Variants in PTPRD observed in about 807,000 individuals in gnomAD.
PTPRD encodes the protein receptor-type tyrosine-protein phosphatase delta.
Under a neutral mutation model 214.5 loss-of-function variants are expected in PTPRD, and 34 were observed. That is an observed-to-expected ratio of 0.16 (90% CI 0.12 to 0.21). The LOEUF (loss-of-function observed/expected upper bound fraction) is 0.21, where lower values mean the gene tolerates loss of function less well. Among genes scored for constraint, PTPRD ranks in the 10% least tolerant of loss-of-function variants. The probability of loss-of-function intolerance (pLI) is 1.00; values close to 1 mark genes in which losing one functional copy is unlikely to be tolerated. For synonymous variants in PTPRD, 1,128 were observed against 845.7 expected (o/e 1.33, Z -5.79); for missense variants, 2,545 against 2,398.7 (o/e 1.06, Z -1.27).
At chr9:10,149,201 T>A (rs1348076662) in intron 3 of PTPRD, among the ~76,000 whole-genome samples, 2 of 152,138 alleles carry the variant, frequency 1.3e-5, no homozygotes, top group Non-Finnish European at 2.9e-5. Context: ...AAGTTATATA[T>A]CCCATGGCAG....
intron 11 of PTPRD, among the ~76,000 whole-genome samples, chr9:9,016,947 T>C (rs1481413974): frequency 6.6e-6 from 1 of 152,144 alleles, no homozygotes; most frequent in Non-Finnish European, 1.5e-5. Context: ...CTCAGTATTT[T>C]GGATTTAGAG....
chr9:9,777,300 C>A (rs1169608916), intron 5 of PTPRD, among the ~76,000 whole-genome samples: 3 of 151,174 alleles, frequency 2.0e-5, no homozygotes, highest in Non-Finnish European at 4.4e-5. Flanking sequence ...GCATCCCCAA[C>A]ACAAATAAAA....
chr9:10,149,023 G>C (rs1167191526), intron 3 of PTPRD, among the ~76,000 whole-genome samples: 1 of 152,070 alleles, frequency 6.6e-6, no homozygotes, highest in Non-Finnish European at 1.5e-5. Context: ...CCTGCAGCTG[G>C]CTCAGAAAAG....
chr9:9,164,473 A>G (rs1445206), intron 10 of PTPRD, among the ~76,000 whole-genome samples: 108,759 of 151,772 alleles, frequency 0.72, 39,296 homozygotes, highest in Non-Finnish European at 0.77. Flanking sequence ...GTCTGCAAAA[A>G]ACTTTTTGAC....
intron 14 of PTPRD, among the ~76,000 whole-genome samples, chr9:8,554,735 G>A (rs1008801187): frequency 6.6e-6 from 1 of 152,170 alleles, no homozygotes; most frequent in African/African-American, 2.4e-5. Flanking sequence ...CAACACGTTT[G>A]TTTATTTTGA....
chr9:9,613,799 T>C (rs1272890135), intron 7 of PTPRD, among the ~76,000 whole-genome samples: 1 of 152,176 alleles, frequency 6.6e-6, no homozygotes, highest in African/African-American at 2.4e-5. Context: ...GGGTGACTTG[T>C]GGGCACGTGA....
At chr9:9,068,640 G>A (rs1475376208) in intron 10 of PTPRD, among the ~76,000 whole-genome samples, 1 of 148,698 alleles carries the variant, frequency 6.7e-6, no homozygotes, top group Non-Finnish European at 1.5e-5. Flanking sequence ...TTGAGATGGA[G>A]TCTCACTTGT....
chr9:10,228,263 G>A (rs925403315), intron 3 of PTPRD, among the ~76,000 whole-genome samples: 5 of 151,944 alleles, frequency 3.3e-5, no homozygotes, highest in Non-Finnish European at 5.9e-5. Context: ...GAACCTCAAG[G>A]AAGCTTTCCT....
At chr9:9,386,243 G>A (rs537437046) in intron 9 of PTPRD, among the ~76,000 whole-genome samples, 6 of 152,084 alleles carry the variant, frequency 3.9e-5, no homozygotes, top group Non-Finnish European at 8.8e-5. Flanking sequence ...GTGAGCCCCT[G>A]GCAGGCATGA....
chr9:8,363,665 A>G (rs1445377481), intron 39 of PTPRD, among the ~76,000 whole-genome samples: 2 of 152,238 alleles, frequency 1.3e-5, no homozygotes, highest in Non-Finnish European at 2.9e-5. Flanking sequence ...GCAGTGAGAA[A>G]GAAATTAATA....
Position 9,741,779 on chromosome 9 carries a change from A to G in PTPRD, c.-325-7208T>C, listed in dbSNP as rs531179054. Among the ~76,000 whole-genome samples the G allele has an allele frequency of 7.9e-5, 12 of 152,348 alleles. No individual in the cohort carries two copies. The South Asian group carries it at 2.1e-3, about 26-fold the overall frequency. On this transcript the variant is annotated intron_variant, in intron 6 of 45. Coordinates refer to ENST00000381196, the MANE Select transcript of PTPRD (RefSeq NM_002839.4). ...CTTCATCCATGTCCCTGCAAATGAC[A>G]TGAACTCATTCTTTTTTATGGCTGC...
chr9:10,592,228 C>T, intron 2 of PTPRD, among the ~76,000 whole-genome samples: 1 of 151,952 alleles, frequency 6.6e-6, no homozygotes, highest in East Asian at 1.9e-4. Context: ...TGGAAAGGAG[C>T]TGTGAGCTAA....
chr9:10,307,215 TCCA>T (rs78006216), intron 3 of PTPRD, among the ~76,000 whole-genome samples: 28,443 of 151,958 alleles, frequency 0.19, 2,656 homozygotes, highest in South Asian at 0.31. Flanking sequence ...CCTGTTTTCA[TCCA>T]CCACCAAACA....
chr9:8,742,847 T>C (rs2092238256), intron 11 of PTPRD, among the ~76,000 whole-genome samples: 1 of 152,100 alleles, frequency 6.6e-6, no homozygotes. Flanking sequence ...GGTGATCAAA[T>C]CTCTGGGCCA....
chr9:9,486,187 C>A (rs1367951608), intron 8 of PTPRD, among the ~76,000 whole-genome samples: 5 of 38,344 alleles, frequency 1.3e-4, no homozygotes, highest in Non-Finnish European at 2.0e-4. Context: ...AAAAAAAAAG[C>A]CTTCCCTTGA....
intron 11 of PTPRD, among the ~76,000 whole-genome samples, chr9:8,747,384 G>A (rs970330571): frequency 3.9e-5 from 6 of 152,022 alleles, no homozygotes; most frequent in South Asian, 2.1e-4. Flanking sequence ...CCTAACTTCC[G>A]AGGAAACACC....
intron 4 of PTPRD, among the ~76,000 whole-genome samples, chr9:9,977,644 C>T (rs1002145077): frequency 3.3e-5 from 5 of 151,940 alleles, no homozygotes; most frequent in South Asian, 2.1e-4. Flanking sequence ...GCCATGAGTA[C>T]GACTGACGAG....
At chr9:8,921,177 G>T (rs530829125) in intron 11 of PTPRD, among the ~76,000 whole-genome samples, 1 of 152,254 alleles carries the variant, frequency 6.6e-6, no homozygotes, top group African/African-American at 2.4e-5. Context: ...AATCTGTGAG[G>T]CTATTCATTG....
chr9:9,822,959 C>T (rs997535633), intron 5 of PTPRD, among the ~76,000 whole-genome samples: 1 of 152,056 alleles, frequency 6.6e-6, no homozygotes, highest in Non-Finnish European at 1.5e-5. Flanking sequence ...AGCAATCCCA[C>T]CATTGCATTC....
Sources: gnomAD v4.1 joint callset for allele counts (sites outside exome capture counted in the v4.1 genomes callset) on GRCh38, gnomAD v4.1.1 for gene constraint, MANE v1.5 for transcripts, NCBI Gene and HGNC (gene_info 2026-07-23, HGNC 2026-07-21) for gene names.